Variants in GOLM2 observed in about 807,000 individuals in gnomAD.
The protein encoded by GOLM2 is golgi membrane protein 2, also known as protein GOLM2.
A neutral mutation model predicts 55.9 loss-of-function variants in GOLM2; 26 were observed. The observed-to-expected ratio is 0.47, with a 90% CI of 0.34 to 0.65. The LOEUF (loss-of-function observed/expected upper bound fraction) is 0.65, where lower values mean the gene tolerates loss of function less well. Ranked by LOEUF, GOLM2 falls within the 30% of genes least tolerant of loss-of-function variation. GOLM2 has a pLI of 0.01. For missense variants in GOLM2, 486 were observed against 531.8 expected (o/e 0.91, Z 0.85); for synonymous variants, 165 against 194.6 (o/e 0.85, Z 1.27).
intron 6 of GOLM2, among the ~76,000 whole-genome samples, chr15:44,350,611 A>G (rs752595346): frequency 3.3e-5 from 5 of 152,236 alleles, no homozygotes; most frequent in Non-Finnish European, 7.3e-5. Flanking sequence ...AATACTTCCA[A>G]ACTCATTCTA....
chr15:44,339,168 A>G (rs2079075745), intron 6 of GOLM2, among the ~76,000 whole-genome samples: 1 of 152,204 alleles, frequency 6.6e-6, no homozygotes. Flanking sequence ...TTGTCCTTTC[A>G]TTTATATAGT....
chr15:44,290,745 T>G (rs2078714891), intron 1 of GOLM2, among the ~76,000 whole-genome samples: 4 of 152,248 alleles, frequency 2.6e-5, no homozygotes, highest in Admixed American at 2.6e-4. Flanking sequence ...TTGTTGTAAT[T>G]AATACTCTTG....
chr15:44,387,847 CTT>C (rs2079457591), intron 8 of GOLM2, among the ~76,000 whole-genome samples: 1 of 151,326 alleles, frequency 6.6e-6, no homozygotes, highest in Admixed American at 6.6e-5. Context: ...CACAAAAGGT[CTT>C]TATTTGTATA....
chr15:44,339,140 A>G (rs149233413), intron 6 of GOLM2, among the ~76,000 whole-genome samples: 1 of 152,322 alleles, frequency 6.6e-6, no homozygotes, highest in African/African-American at 2.4e-5. Context: ...GAATGTTTAG[A>G]TCAAATAAAT....
chr15:44,403,002 G>C lies in GOLM2; in HGVS notation c.1188G>C (p.Glu396Asp), dbSNP rs1430719486. 6.2e-6 allele frequency: 10 copies of C among 1,613,978 alleles called. No individual in the cohort carries two copies. The highest frequency in any genetic ancestry group is 1.3e-5 in the African/African-American group (1 of 74,884). ...VGEYEADKQA[E>D]LAYNEEEDGD... ...AGTATGAGGCAGACAAGCAGGCTGA[G>C]CTGGCTTACAATGAGGAAGAAGATG... Residue 396 changes from glutamate (E) to aspartate (D), a missense_variant, in exon 9 of 10, where the codon GAG becomes GAC. By Grantham distance (45) the Glu-to-Asp change is conservative (BLOSUM62 2). Transcript: ENST00000299957.
intron 1 of GOLM2, among the ~76,000 whole-genome samples, chr15:44,300,768 C>T (rs1027209683): frequency 2.6e-5 from 4 of 152,202 alleles, no homozygotes; most frequent in Admixed American, 2.0e-4. Flanking sequence ...GTTAAAGTTT[C>T]CTTGAATTCA....
chr15:44,344,399 C>A (rs2079109974), intron 6 of GOLM2, among the ~76,000 whole-genome samples: 1 of 151,190 alleles, frequency 6.6e-6, no homozygotes, highest in Admixed American at 6.6e-5. Flanking sequence ...TACAGTGAAC[C>A]CTTACTGGGT....
intron 2 of GOLM2, among the ~76,000 whole-genome samples, chr15:44,326,713 A>G (rs1221768714): frequency 1.4e-5 from 2 of 145,184 alleles, no homozygotes; most frequent in Non-Finnish European, 3.0e-5. Context: ...GTGCAGTGGC[A>G]TGATCTCGGT....
intron 3 of GOLM2, among the ~76,000 whole-genome samples, chr15:44,331,019 T>A (rs2079019428): frequency 6.6e-6 from 1 of 152,120 alleles, no homozygotes; most frequent in Non-Finnish European, 1.5e-5. Flanking sequence ...GTGTTTTGTG[T>A]TTTTCTTTTT....
Position 44,289,053 on chromosome 15 carries a change from G to A in GOLM2, c.24G>A (p.Arg8=). 1.2e-6 allele frequency: 2 copies of A among 1,613,592 alleles called. No individual in the cohort carries two copies. The highest frequency in any genetic ancestry group is 8.5e-7 in the Non-Finnish European group (1 of 1,179,754). Reference sequence around the variant, plus strand: ...CCATGGTGGGTTTCGGGGCCAACCGGCGGGCTGGCCGCCTGCCCTCTCTCG... The same window carrying A: ...CCATGGTGGGTTTCGGGGCCAACCGACGGGCTGGCCGCCTGCCCTCTCTCG... MVGFGAN[R]RAGRLPSLVL... The change falls in exon 1 of 10, where the codon CGG becomes CGA. Residue 8 remains arginine (R), a synonymous_variant. Transcript: ENST00000299957. This position sits in a 1 kb window ranked among gnomAD's most constrained non-coding sequence, Gnocchi z 4.8.
At chr15:44,338,400 G>T in intron 6 of GOLM2, 83 bp downstream of exon 6, 1 of 1,017,830 alleles carries the variant, frequency 9.8e-7, no homozygotes, top group Non-Finnish European at 1.5e-6. Flanking sequence ...GGTAACACTT[G>T]GAAAAGTCAC....
chr15:44,410,721 C>A (rs2079632259), intron 9 of GOLM2, among the ~76,000 whole-genome samples: 1 of 149,938 alleles, frequency 6.7e-6, no homozygotes, highest in African/African-American at 2.5e-5. Flanking sequence ...CATGGTGAAA[C>A]CCTGTCTCTA....
At chr15:44,409,719 C>A (rs2079623909) in intron 9 of GOLM2, 1 of 146,656 alleles carries the variant, frequency 6.8e-6, no homozygotes, top group Non-Finnish European at 1.5e-5. Context: ...CCAGCCTAAC[C>A]AACATGGTAA....
At chr15:44,351,757 A>G (rs2079166758) in intron 6 of GOLM2, among the ~76,000 whole-genome samples, 1 of 152,178 alleles carries the variant, frequency 6.6e-6, no homozygotes, top group Admixed American at 6.5e-5. Flanking sequence ...ACATACAGAA[A>G]TCAGTAGCAT....
At chr15:44,337,341 A>G (rs1423001862) in intron 4 of GOLM2, among the ~76,000 whole-genome samples, 2 of 151,936 alleles carry the variant, frequency 1.3e-5, no homozygotes, top group African/African-American at 4.8e-5. Flanking sequence ...TTGAAGAGGC[A>G]CCTGTGTACC....
chr15:44,311,776 A>G (rs1017087493), intron 1 of GOLM2, among the ~76,000 whole-genome samples: 2 of 152,010 alleles, frequency 1.3e-5, no homozygotes, highest in East Asian at 1.9e-4. Flanking sequence ...CAGCCTCCCA[A>G]GTAGCTGGGA....
intron 8 of GOLM2, among the ~76,000 whole-genome samples, chr15:44,390,622 A>G (rs953309540): frequency 2.6e-5 from 4 of 150,996 alleles, no homozygotes; most frequent in African/African-American, 7.3e-5. Context: ...CTGGAGTGCA[A>G]TGGCACGATC....
At chr15:44,294,436 C>T (rs2078741565) in intron 1 of GOLM2, among the ~76,000 whole-genome samples, 1 of 151,592 alleles carries the variant, frequency 6.6e-6, no homozygotes, top group African/African-American at 2.4e-5. Context: ...AAAATTGGGC[C>T]AGACACGGTG....
rs1293245235 is a variant in GOLM2 at position 44,369,701 on chromosome 15, C to CACACACAT, written c.803-9982_803-9981insTACACACA. ...ACACATATATATATGCATACACACA[C>CACACACAT]ACACACACACACACACACACACATA... is the stretch of plus-strand genomic sequence containing the variant. On this transcript the variant is annotated intron_variant, in intron 6 of 9. Coordinates refer to ENST00000299957, the MANE Select transcript of GOLM2 (RefSeq NM_138423.4). Among the ~76,000 whole-genome samples the CACACACAT allele has an allele frequency of 2.0e-5, 3 of 147,852 alleles. No homozygotes were observed. The East Asian group carries it at 6.0e-4, about 30-fold the overall frequency.
Sources: gnomAD v4.1 joint callset for allele counts (sites outside exome capture counted in the v4.1 genomes callset) on GRCh38, gnomAD v4.1.1 for gene constraint, Gnocchi (gnomAD v3.1) non-coding constraint, MANE v1.5 for transcripts, NCBI Gene and HGNC (gene_info 2026-07-23, HGNC 2026-07-21) for gene names.